Variants in NRG1 observed in about 807,000 individuals in gnomAD.
The protein encoded by NRG1 is neuregulin 1.
In NRG1, 18 loss-of-function variants were observed where a neutral mutation model predicts 63.8. The ratio of observed to expected loss-of-function variants is 0.28; its 90% confidence interval spans 0.19 to 0.42. The LOEUF is 0.42. NRG1 is among the 10% of genes least tolerant of loss of function. NRG1 has a pLI of 1.00. For missense variants in NRG1, 762 were observed against 814.7 expected, an observed-to-expected ratio of 0.94 and a Z score of 0.79; for synonymous variants, 302 against 301.3, an observed-to-expected ratio of 1.00 and a Z score of -0.02.
At chr8:31,877,786 G>A (rs1830042556) in intron 1 of NRG1, among the ~76,000 whole-genome samples, 2 of 152,038 alleles carry the variant, frequency 1.3e-5, no homozygotes, top group African/African-American at 4.8e-5. Context: ...CTAGTAAAAG[G>A]CAAGGTTGCT....
At chr8:32,233,113 T>C (rs180752816) in intron 1 of NRG1, among the ~76,000 whole-genome samples, 4 of 152,252 alleles carry the variant, frequency 2.6e-5, no homozygotes, top group African/African-American at 7.2e-5. Flanking sequence ...GTAGTAGTAG[T>C]ATTTTGGAGA....
intron 1 of NRG1, among the ~76,000 whole-genome samples, chr8:31,918,831 C>T (rs1471186392): frequency 1.7e-4 from 14 of 84,560 alleles, no homozygotes; most frequent in Non-Finnish European, 2.9e-4. Context: ...CCATCTGGTC[C>T]TGGACTCTTT....
chr8:32,210,450 C>T (rs910297508), intron 1 of NRG1, among the ~76,000 whole-genome samples: 6 of 152,098 alleles, frequency 3.9e-5, no homozygotes, highest in South Asian at 4.1e-4. Context: ...ACAGACCTCC[C>T]GAAAGGGTCT....
At chr8:32,536,984 T>TAG (rs1442321240) in intron 1 of NRG1, among the ~76,000 whole-genome samples, 1 of 143,216 alleles carries the variant, frequency 7.0e-6, no homozygotes, top group African/African-American at 2.6e-5. Context: ...GGCTCACGCC[T>TAG]GTAATCCCAC....
chr8:32,277,183 C>T (rs1852201843), intron 1 of NRG1, among the ~76,000 whole-genome samples: 4 of 152,146 alleles, frequency 2.6e-5, no homozygotes, highest in Admixed American at 2.6e-4. Context: ...TTTTATCTAC[C>T]TCCCAAATAA....
At chr8:32,080,870 T>C (rs577957883) in intron 1 of NRG1, among the ~76,000 whole-genome samples, 6 of 152,020 alleles carry the variant, frequency 3.9e-5, no homozygotes, top group African/African-American at 1.4e-4. Flanking sequence ...TTATGGAGAC[T>C]GGCAAATCTA....
At chr8:32,700,192 T>C (rs1814475451) in intron 5 of NRG1, among the ~76,000 whole-genome samples, 1 of 152,272 alleles carries the variant, frequency 6.6e-6, no homozygotes, top group Non-Finnish European at 1.5e-5. Context: ...AAAAAAATAA[T>C]GAATATAAAA....
At chr8:32,286,575 T>A (rs977333908) in intron 1 of NRG1, among the ~76,000 whole-genome samples, 27 of 152,218 alleles carry the variant, frequency 1.8e-4, no homozygotes, top group African/African-American at 6.0e-4. Context: ...TCTGGCAGGA[T>A]CCAGTGAGTT....
chr8:32,335,728 T>C (rs1803180111), intron 1 of NRG1, among the ~76,000 whole-genome samples: 1 of 152,120 alleles, frequency 6.6e-6, no homozygotes, highest in East Asian at 1.9e-4. Flanking sequence ...TATAGTCCTG[T>C]CTGTTATTAC....
intron 1 of NRG1, among the ~76,000 whole-genome samples, chr8:32,094,913 A>ATT (rs35516200): frequency 2.0e-4 from 26 of 133,288 alleles, no homozygotes; most frequent in South Asian, 4.7e-4. Flanking sequence ...TAATTTCAGC[A>ATT]TTTTTTTTTT....
intron 1 of NRG1, among the ~76,000 whole-genome samples, chr8:32,046,724 G>A (rs1025964934): frequency 7.2e-5 from 11 of 152,002 alleles, no homozygotes; most frequent in African/African-American, 2.7e-4. Flanking sequence ...ATTTCAACAA[G>A]GCAGAGTTAT....
chr8:32,257,838 C>T (rs757173307), intron 1 of NRG1, among the ~76,000 whole-genome samples: 3 of 152,128 alleles, frequency 2.0e-5, no homozygotes, highest in South Asian at 2.1e-4. Context: ...CTCTGAAATC[C>T]ACTGTATAAG....
chr8:32,577,996 C>CTTGT (rs1327051687), intron 1 of NRG1, among the ~76,000 whole-genome samples: 1 of 151,886 alleles, frequency 6.6e-6, no homozygotes, highest in African/African-American at 2.4e-5. Flanking sequence ...TTTTTGTTTG[C>CTTGT]TTGTTTGTTT....
intron 1 of NRG1, among the ~76,000 whole-genome samples, chr8:32,236,569 T>C (rs546590118): frequency 3.0e-4 from 46 of 152,192 alleles, no homozygotes; most frequent in Non-Finnish European, 5.9e-4. Flanking sequence ...GGGATGGAAA[T>C]GGGTTATTAG....
At chr8:32,412,861 G>A (rs1815306534) in intron 1 of NRG1, among the ~76,000 whole-genome samples, 2 of 152,098 alleles carry the variant, frequency 1.3e-5, no homozygotes, top group Admixed American at 6.6e-5. Flanking sequence ...TCATTATGCA[G>A]CATATGACTG....
At chr8:32,763,180 A>G in intron 11 of NRG1, 3 of 1,603,598 alleles carry the variant, frequency 1.9e-6, no homozygotes, top group Non-Finnish European at 2.6e-6. Context: ...TGTTGTCAGG[A>G]ATAAATCTAA....
chr8:32,097,796 C>T (rs1021042223), intron 1 of NRG1, among the ~76,000 whole-genome samples: 1 of 152,096 alleles, frequency 6.6e-6, no homozygotes, highest in Non-Finnish European at 1.5e-5. Context: ...CAATATGAGA[C>T]AGCAAATATT....
At chr8:32,377,855 TA>T (rs1458846498) in intron 1 of NRG1, among the ~76,000 whole-genome samples, 8 of 152,236 alleles carry the variant, frequency 5.3e-5, no homozygotes, top group African/African-American at 1.9e-4. Flanking sequence ...CTCTTGGAAT[TA>T]CTTTTGATTT....
chr8:31,852,672 G>A (rs2129609297), intron 1 of NRG1, among the ~76,000 whole-genome samples: 1 of 152,136 alleles, frequency 6.6e-6, no homozygotes, highest in African/African-American at 2.4e-5. Flanking sequence ...TTTTAGACAT[G>A]AAGTCCTTGC....
Sources: gnomAD v4.1 joint callset for allele counts (sites outside exome capture counted in the v4.1 genomes callset) on GRCh38, gnomAD v4.1.1 for gene constraint, MANE v1.5 for transcripts, NCBI Gene and HGNC (gene_info 2026-07-23, HGNC 2026-07-21) for gene names.